The following RAD51B variants were observed in gnomAD, a reference collection of about 807,000 sequenced individuals.
RAD51B encodes the protein RAD51 paralog B.
Under a neutral mutation model 42.2 loss-of-function variants are expected in RAD51B, and 38 were observed. That is an observed-to-expected ratio of 0.90 (90% CI 0.70 to 1.18). The LOEUF (loss-of-function observed/expected upper bound fraction) is 1.18. RAD51B is among the 50% of genes most tolerant of loss of function. The probability of loss-of-function intolerance (pLI) is 0.00; values close to 1 mark genes in which losing one functional copy is unlikely to be tolerated. For synonymous variants in RAD51B, 154 were observed against 145.2 expected (o/e 1.06, Z -0.43); for missense variants, 373 against 400.7 (o/e 0.93, Z 0.59).
chr14:68,372,767 A>C (rs2083289356), intron 8 of RAD51B, among the ~76,000 whole-genome samples: 2 of 152,340 alleles, frequency 1.3e-5, no homozygotes, highest in East Asian at 1.9e-4. Flanking sequence ...CCAAACAAGG[A>C]TCTTAGAATA....
At chr14:68,516,151 TTTAG>T (rs1178685303) in intron 10 of RAD51B, among the ~76,000 whole-genome samples, 2 of 152,146 alleles carry the variant, frequency 1.3e-5, no homozygotes, top group East Asian at 3.9e-4. Context: ...GCCACTAGGT[TTTAG>T]GATACTTTGC....
At chr14:68,586,290 T>C (rs972876454) in intron 10 of RAD51B, among the ~76,000 whole-genome samples, 12 of 152,198 alleles carry the variant, frequency 7.9e-5, no homozygotes, top group Non-Finnish European at 1.5e-4. Context: ...TCTTCCATGG[T>C]GCACACTCAG....
intron 10 of RAD51B, among the ~76,000 whole-genome samples, chr14:68,570,052 T>C (rs546777987): frequency 1.3e-5 from 2 of 152,376 alleles, no homozygotes; most frequent in African/African-American, 4.8e-5. Context: ...CAGGCTCATT[T>C]TGTAGCTGAC....
At chr14:67,857,439 T>C (rs2042032937) in intron 4 of RAD51B, among the ~76,000 whole-genome samples, 1 of 152,256 alleles carries the variant, frequency 6.6e-6, no homozygotes. Context: ...AAATGCCAGT[T>C]GCCCTTGTTT....
At chr14:68,253,606 T>G (rs554351717) in intron 7 of RAD51B, among the ~76,000 whole-genome samples, 8 of 152,386 alleles carry the variant, frequency 5.2e-5, no homozygotes, top group Non-Finnish European at 8.8e-5. Context: ...TATAATTTCT[T>G]TTAAGCAAAA....
chr14:68,156,370 T>C (rs1253676762), intron 7 of RAD51B, among the ~76,000 whole-genome samples: 1 of 152,050 alleles, frequency 6.6e-6, no homozygotes, highest in Non-Finnish European at 1.5e-5. Flanking sequence ...TTATGCCTTT[T>C]TGTGTGGAAG....
intron 7 of RAD51B, among the ~76,000 whole-genome samples, chr14:68,237,755 G>C (rs1185314400): frequency 1.7e-4 from 8 of 46,466 alleles, no homozygotes; most frequent in East Asian, 8.8e-4. Context: ...TTTTTTTTTT[G>C]AGACGGAGTC....
chr14:67,996,503 C>T (rs1204178602), intron 7 of RAD51B, among the ~76,000 whole-genome samples: 1 of 151,848 alleles, frequency 6.6e-6, no homozygotes, highest in Non-Finnish European at 1.5e-5. Flanking sequence ...GGAAGTAAGC[C>T]ATGAGAATAT....
chr14:68,442,809 A>ATTATTATTC (rs2085332677), intron 9 of RAD51B, among the ~76,000 whole-genome samples: 2 of 151,956 alleles, frequency 1.3e-5, no homozygotes. Flanking sequence ...TATTATTATT[A>ATTATTATTC]TTCACACTTA....
chr14:68,528,117 A>C (rs1236218223), intron 10 of RAD51B, among the ~76,000 whole-genome samples: 2 of 152,238 alleles, frequency 1.3e-5, no homozygotes, highest in African/African-American at 4.8e-5. Context: ...GCTGGCACCA[A>C]CCAGTAAAGA....
chr14:67,930,258 C>G (rs2044678416), intron 7 of RAD51B, among the ~76,000 whole-genome samples: 1 of 151,146 alleles, frequency 6.6e-6, no homozygotes, highest in Non-Finnish European at 1.5e-5. Context: ...GGTGGTATCA[C>G]TTGAATTTTT....
chr14:68,181,672 A>G (rs1301963216), intron 7 of RAD51B, among the ~76,000 whole-genome samples: 1 of 152,172 alleles, frequency 6.6e-6, no homozygotes, highest in African/African-American at 2.4e-5. Context: ...GAAATACTAG[A>G]AAGGAAGTTA....
intron 8 of RAD51B, among the ~76,000 whole-genome samples, chr14:68,371,590 C>T (rs190599363): frequency 3.0e-4 from 46 of 152,226 alleles, no homozygotes; most frequent in Non-Finnish European, 4.4e-5. Context: ...TGGTGGCTTC[C>T]AGCACTTTGG....
At chr14:68,598,827 A>G (rs1891105755), downstream of RAD51B, among the ~76,000 whole-genome samples, 1 of 152,184 alleles carries the variant, frequency 6.6e-6, no homozygotes, top group African/African-American at 2.4e-5. Context: ...AAAATGGAGT[A>G]TTATTATTAT....
At chr14:68,180,577 T>C (rs1287497160) in intron 7 of RAD51B, among the ~76,000 whole-genome samples, 2 of 152,198 alleles carry the variant, frequency 1.3e-5, no homozygotes, top group Non-Finnish European at 2.9e-5. Context: ...GTCGTCATTA[T>C]CGCCACTTTA....
intron 9 of RAD51B, among the ~76,000 whole-genome samples, chr14:68,423,247 C>T (rs2084753400): frequency 6.6e-6 from 1 of 152,158 alleles, no homozygotes; most frequent in South Asian, 2.1e-4. Context: ...GAAAGAGGCT[C>T]ATCTTTACAA....
chr14:68,197,097 C>T (rs1409024761), intron 7 of RAD51B, among the ~76,000 whole-genome samples: 1 of 152,086 alleles, frequency 6.6e-6, no homozygotes, highest in Non-Finnish European at 1.5e-5. Flanking sequence ...AGATATTATT[C>T]TTTTATTGAG....
At chr14:67,976,384 C>A (rs2074994821) in intron 7 of RAD51B, among the ~76,000 whole-genome samples, 1 of 152,030 alleles carries the variant, frequency 6.6e-6, no homozygotes, top group Admixed American at 6.5e-5. Context: ...TCCCAGCATG[C>A]TGGAATTACA....
chr14:67,865,272 C>G, intron 5 of RAD51B, 133 bp downstream of exon 5: 1 of 912,268 alleles, frequency 1.1e-6, no homozygotes, highest in Non-Finnish European at 1.5e-6. Flanking sequence ...GAGTCTTGCT[C>G]TGTTGCCGGG....
Sources: gnomAD v4.1 joint callset for allele counts (sites outside exome capture counted in the v4.1 genomes callset) on GRCh38, gnomAD v4.1.1 for gene constraint, MANE v1.5 for transcripts, NCBI Gene and HGNC (gene_info 2026-07-23, HGNC 2026-07-21) for gene names.